Variants in ZFP14 observed in about 807,000 individuals in gnomAD.
ZFP14 encodes zinc finger protein 14 homolog.
In ZFP14, 22 loss-of-function variants were observed where a neutral mutation model predicts 54.5. The observed-to-expected ratio is 0.40, with a 90% CI of 0.29 to 0.58. The LOEUF (loss-of-function observed/expected upper bound fraction) is 0.58. Among genes scored for constraint, ZFP14 ranks in the 20% least tolerant of loss-of-function variants. ZFP14 has a pLI of 0.39. For missense variants in ZFP14, 470 were observed against 637.8 expected (o/e 0.74, Z 2.83); for synonymous variants, 159 against 204.0 (o/e 0.78, Z 1.88).
At chr19:36,373,312 A>G (rs2031908891) in intron 1 of ZFP14, among the ~76,000 whole-genome samples, 1 of 151,760 alleles carries the variant, frequency 6.6e-6, no homozygotes, top group Non-Finnish European at 1.5e-5. Context: ...CAAACAAACA[A>G]ACAAACAAAA....
chr19:36,371,037 C>T (rs1053432163), intron 1 of ZFP14, among the ~76,000 whole-genome samples: 22 of 151,944 alleles, frequency 1.4e-4, no homozygotes, highest in Non-Finnish European at 2.6e-4. Flanking sequence ...CCGAGGCAGG[C>T]GGATCACGAG....
intron 4 of ZFP14, among the ~76,000 whole-genome samples, chr19:36,346,780 G>A (rs2031423592): frequency 6.6e-6 from 1 of 152,134 alleles, no homozygotes; most frequent in Non-Finnish European, 1.5e-5. Context: ...TGTACATCTT[G>A]TTGGCAGAAG....
chr19:36,338,503 T>G lies in ZFP14; in HGVS notation c.*1721A>C, dbSNP rs563948595. ...AAGTTCAAGACCAGCCTGGGCAACA[T>G]AGTGAGACCCTTTCTCTAAAAAAAA... On this transcript the variant is annotated 3_prime_UTR_variant, in exon 5 of 5. Transcript: ENST00000270001. 3.4e-4 allele frequency: 51 copies of G among 149,884 alleles called. No homozygotes were observed. The highest frequency in any genetic ancestry group is 1.3e-3 in the African/African-American group (51 of 40,514). The allele number at this position is 149,884 out of a possible 1,614,324, so 9.3% of individuals were successfully genotyped here. A position where few individuals can be genotyped will look rare whatever the true frequency, so the allele number is the denominator to read the frequency against.
Position 36,338,651 on chromosome 19 carries a change from A to G in ZFP14, c.*1573T>C, listed in dbSNP as rs1246165587. 1 of 152,164 alleles carries G rather than the reference A, an allele frequency of 6.6e-6. No individual in the cohort carries two copies. Among genetic ancestry groups the G allele is most frequent in the Non-Finnish European group, 1.5e-5 (1 of 68,050 alleles). The allele number at this position is 152,164 out of a possible 1,614,324, so 9.4% of individuals were successfully genotyped here. A position where few individuals can be genotyped will look rare whatever the true frequency, so the allele number is the denominator to read the frequency against. On this transcript the variant is annotated 3_prime_UTR_variant, in exon 5 of 5. Transcript: ENST00000270001. Reference sequence around the variant, plus strand: ...ACACCCTGTCTCAAAAAAATTATACATTGGTGCTCTAGCATCTTTCATAGG... The same window carrying G: ...ACACCCTGTCTCAAAAAAATTATACGTTGGTGCTCTAGCATCTTTCATAGG...
At chr19:36,377,226 C>A in intron 1 of ZFP14, among the ~76,000 whole-genome samples, 1 of 152,036 alleles carries the variant, frequency 6.6e-6, no homozygotes, top group African/African-American at 2.4e-5. Flanking sequence ...TGGGTAATTC[C>A]ATCTAAACTG....
intron 2 of ZFP14, among the ~76,000 whole-genome samples, chr19:36,367,010 C>T (rs1189445586): frequency 6.6e-6 from 1 of 151,828 alleles, no homozygotes; most frequent in Non-Finnish European, 1.5e-5. Flanking sequence ...AAAAATTAGC[C>T]AGGTATGGTG....
At chr19:36,364,543 G>A (rs981636402) in intron 2 of ZFP14, among the ~76,000 whole-genome samples, 15 of 152,094 alleles carry the variant, frequency 9.9e-5, no homozygotes, top group African/African-American at 2.7e-4. Flanking sequence ...TGGGCATATC[G>A]GGTAAGAGCA....
intron 4 of ZFP14, among the ~76,000 whole-genome samples, chr19:36,347,502 C>T (rs970756072): frequency 3.3e-5 from 5 of 151,470 alleles, no homozygotes; most frequent in South Asian, 2.1e-4. Context: ...CCCAGTTACT[C>T]GGGAGGCTGG....
intron 2 of ZFP14, among the ~76,000 whole-genome samples, chr19:36,363,485 G>A (rs1054716452): frequency 3.3e-5 from 5 of 151,322 alleles, no homozygotes; most frequent in Non-Finnish European, 7.4e-5. Flanking sequence ...GTGAGCCACC[G>A]CGCCCGGCCC....
At chr19:36,351,135 T>TA (rs1307091843) in intron 4 of ZFP14, among the ~76,000 whole-genome samples, 1 of 142,646 alleles carries the variant, frequency 7.0e-6, no homozygotes, top group African/African-American at 2.6e-5. Context: ...TGGGCAAATG[T>TA]AAAAAAAATT....
At chr19:36,345,946 T>G (rs1328384066) in intron 4 of ZFP14, among the ~76,000 whole-genome samples, 1 of 151,806 alleles carries the variant, frequency 6.6e-6, no homozygotes, top group Non-Finnish European at 1.5e-5. Flanking sequence ...AGAAATAGAT[T>G]AAAATGAAAG....
rs569438373 is a variant in ZFP14 at position 36,341,590 on chromosome 19, T to A, written c.236A>T (p.Asp79Val). ...VREGTRRYCPDLESRYRTNTL... is the reference protein window; with the variant it reads ...VREGTRRYCPVLESRYRTNTL... Reference sequence around the variant, plus strand: ...ATTGGTCCTGTATCTGGACTCCAAATCTGAAAGAAAACAAGAAAGCAAATA... The same window carrying A: ...ATTGGTCCTGTATCTGGACTCCAAAACTGAAAGAAAACAAGAAAGCAAATA... The change falls in exon 5 of 5, where the codon GAT becomes GTT. Residue 79 changes from aspartate (D) to valine (V), a missense_variant and splice_region_variant. Transcript: ENST00000270001. The surrounding 1 kb of genome is among the most constrained non-coding windows in gnomAD (Gnocchi z 4.2). The A allele has an allele frequency of 2.6e-5, 41 of 1,549,508 alleles. No homozygotes were observed. Among genetic ancestry groups the A allele is most frequent in the Non-Finnish European group, 3.3e-5 (38 of 1,153,596 alleles).
chr19:36,364,008 A>G (rs2031753654), intron 2 of ZFP14, among the ~76,000 whole-genome samples: 1 of 152,092 alleles, frequency 6.6e-6, no homozygotes, highest in Non-Finnish European at 1.5e-5. Context: ...AAAAAAGTCA[A>G]TAGTTCCAAG....
chr19:36,342,275 G>A (rs1051248987), intron 4 of ZFP14, among the ~76,000 whole-genome samples: 2 of 149,114 alleles, frequency 1.3e-5, no homozygotes, highest in African/African-American at 2.5e-5. Context: ...CTGCCTCCTG[G>A]GTTCAAGCAA....
intron 1 of ZFP14, among the ~76,000 whole-genome samples, chr19:36,374,646 T>C (rs187914895): frequency 2.6e-5 from 4 of 152,268 alleles, no homozygotes; most frequent in African/African-American, 9.6e-5. Flanking sequence ...GATGCAACCA[T>C]TAAAAATGAT....
At chr19:36,361,316 T>G (rs1267413237) in intron 3 of ZFP14, among the ~76,000 whole-genome samples, 1 of 152,168 alleles carries the variant, frequency 6.6e-6, no homozygotes. Flanking sequence ...CTCAACTCAC[T>G]GCAACCTCAG....
chr19:36,367,845 T>G, intron 2 of ZFP14, 39 bp downstream of exon 2: 5 of 1,603,824 alleles, frequency 3.1e-6, no homozygotes, highest in Non-Finnish European at 4.3e-6. Context: ...ATACAGAAAT[T>G]GACAGTATTT....
intron 2 of ZFP14, among the ~76,000 whole-genome samples, chr19:36,367,051 G>A (rs1194637981): frequency 6.6e-6 from 1 of 151,924 alleles, no homozygotes; most frequent in African/African-American, 2.4e-5. Context: ...CTACTTGGGA[G>A]GCTGAGGCAG....
chr19:36,369,513 C>A (rs1477294429), intron 1 of ZFP14, among the ~76,000 whole-genome samples: 1 of 151,948 alleles, frequency 6.6e-6, no homozygotes, highest in Admixed American at 6.6e-5. Flanking sequence ...AGGGTTCAAG[C>A]GTTTCTCCTG....
Sources: gnomAD v4.1 joint callset for allele counts (sites outside exome capture counted in the v4.1 genomes callset) on GRCh38, gnomAD v4.1.1 for gene constraint, Gnocchi (gnomAD v3.1) non-coding constraint, MANE v1.5 for transcripts, NCBI Gene and HGNC (gene_info 2026-07-23, HGNC 2026-07-21) for gene names.